The following PPP1R42 variants were observed in gnomAD, a reference collection of about 807,000 sequenced individuals.
PPP1R42 encodes the protein protein phosphatase 1 regulatory subunit 42.
PPP1R42 carries 34 observed loss-of-function variants against 31.0 expected under a neutral mutation model. That is an observed-to-expected ratio of 1.10 (90% CI 0.83 to 1.46). The LOEUF (loss-of-function observed/expected upper bound fraction) is 1.46, where lower values mean the gene tolerates loss of function less well. Ranked by LOEUF, PPP1R42 falls within the 40% of genes most tolerant of loss-of-function variation. PPP1R42 has a pLI of 0.00. For synonymous variants in PPP1R42, 103 were observed against 109.8 expected, an observed-to-expected ratio of 0.94 and a Z score of 0.39; for missense variants, 268 against 303.0, an observed-to-expected ratio of 0.88 and a Z score of 0.86.
intron 1 of PPP1R42, among the ~76,000 whole-genome samples, chr8:67,025,296 CA>C (rs1585694379): frequency 6.6e-6 from 1 of 150,394 alleles, no homozygotes; most frequent in Admixed American, 6.6e-5. Context: ...TCTTTTTTTA[CA>C]GACAGGGTCT....
intron 7 of PPP1R42, among the ~76,000 whole-genome samples, chr8:66,973,313 T>G (rs531625718): frequency 7.8e-4 from 119 of 152,206 alleles, no homozygotes; most frequent in African/African-American, 2.8e-3. Flanking sequence ...GTTTTTTGTT[T>G]TGTTTTTTGA....
At chr8:66,974,127 G>A (rs763132230) in intron 7 of PPP1R42, among the ~76,000 whole-genome samples, 3 of 152,146 alleles carry the variant, frequency 2.0e-5, no homozygotes, top group Non-Finnish European at 4.4e-5. Context: ...TGGGTCATAT[G>A]GCAGTCCTAT....
At chr8:66,987,384 C>T (rs1443746129) in intron 6 of PPP1R42, among the ~76,000 whole-genome samples, 1 of 150,644 alleles carries the variant, frequency 6.6e-6, no homozygotes, top group Non-Finnish European at 1.5e-5. Flanking sequence ...CTCCGCCTAC[C>T]AGTTTCAAGC....
chr8:67,000,730 T>G (rs1815458819), intron 5 of PPP1R42, among the ~76,000 whole-genome samples: 1 of 152,226 alleles, frequency 6.6e-6, no homozygotes, highest in Non-Finnish European at 1.5e-5. Context: ...AGTGATAGTA[T>G]TAGAGGCGTG....
intron 5 of PPP1R42, among the ~76,000 whole-genome samples, chr8:67,008,261 C>CGATA (rs1330152732): frequency 6.6e-6 from 1 of 152,046 alleles, no homozygotes; most frequent in African/African-American, 2.4e-5. Flanking sequence ...ATGTAGCATT[C>CGATA]GATACTACCC....
chr8:67,022,481 G>A (rs867728274), intron 1 of PPP1R42, among the ~76,000 whole-genome samples: 46 of 151,850 alleles, frequency 3.0e-4, no homozygotes, highest in African/African-American at 1.0e-3. Flanking sequence ...TCACTTGTTA[G>A]TTTGCTTTTA....
At chr8:66,991,783 A>G (rs1815195173) in intron 5 of PPP1R42, among the ~76,000 whole-genome samples, 1 of 151,802 alleles carries the variant, frequency 6.6e-6, no homozygotes, top group Non-Finnish European at 1.5e-5. Context: ...TCTCTTACCT[A>G]CCATTGCCAA....
chr8:67,021,002 G>A (rs1039476527), intron 1 of PPP1R42, among the ~76,000 whole-genome samples: 5 of 152,114 alleles, frequency 3.3e-5, no homozygotes, highest in African/African-American at 1.2e-4. Context: ...GAGGTAACCC[G>A]TTTTTTCAAT....
At chr8:67,011,471 G>C (rs1230184758) in intron 4 of PPP1R42, among the ~76,000 whole-genome samples, 2 of 152,192 alleles carry the variant, frequency 1.3e-5, no homozygotes, top group Admixed American at 6.5e-5. Flanking sequence ...AGGTTGCAGT[G>C]AGCAGAGATC....
intron 6 of PPP1R42, among the ~76,000 whole-genome samples, chr8:66,986,423 G>A (rs1462983956): frequency 6.6e-6 from 1 of 152,150 alleles, no homozygotes; most frequent in East Asian, 1.9e-4. Flanking sequence ...CCGAGACGGA[G>A]GCCGAAAGTT....
chr8:67,009,622 C>T (rs1204898831), intron 5 of PPP1R42, among the ~76,000 whole-genome samples: 1 of 152,130 alleles, frequency 6.6e-6, no homozygotes, highest in East Asian at 1.9e-4. Context: ...ATCCCATGAA[C>T]GTCTTACATT....
intron 6 of PPP1R42, chr8:66,988,136 G>T: frequency 9.3e-7 from 1 of 1,073,584 alleles, no homozygotes; most frequent in South Asian, 4.2e-5. Flanking sequence ...ACACATTTAT[G>T]ACTAACCATT....
intron 5 of PPP1R42, among the ~76,000 whole-genome samples, chr8:66,992,002 T>C (rs1424801340): frequency 6.6e-6 from 1 of 152,166 alleles, no homozygotes; most frequent in Non-Finnish European, 1.5e-5. Flanking sequence ...AGCTGGTTGC[T>C]TCTTCAACCA....
At chr8:67,017,585 T>C (rs543861835) in intron 2 of PPP1R42, 34 bp downstream of exon 2, 1 of 1,161,690 alleles carries the variant, frequency 8.6e-7, no homozygotes, top group Non-Finnish European at 1.2e-6. Context: ...CATTATTAAT[T>C]ATATAAAATA....
intron 6 of PPP1R42, chr8:66,985,084 T>G: frequency 7.7e-7 from 1 of 1,306,278 alleles, no homozygotes; most frequent in East Asian, 2.3e-5. Context: ...GATATCTCCT[T>G]CCTTTAGCTC....
At chr8:67,012,072 C>G (rs1220109603) in intron 4 of PPP1R42, among the ~76,000 whole-genome samples, 2 of 152,036 alleles carry the variant, frequency 1.3e-5, no homozygotes, top group Non-Finnish European at 2.9e-5. Flanking sequence ...CCCATCTCTA[C>G]TAAAAATACA....
At chr8:67,025,313 T>G (rs1056787048) in intron 1 of PPP1R42, among the ~76,000 whole-genome samples, 5 of 151,970 alleles carry the variant, frequency 3.3e-5, no homozygotes, top group African/African-American at 9.7e-5. Context: ...GGTCTCATTA[T>G]GTTGCCTAGG....
At chr8:66,982,218 T>A in intron 6 of PPP1R42, 38 bp from the exon 7 acceptor site, 1 of 1,080,922 alleles carries the variant, frequency 9.3e-7, no homozygotes, top group Non-Finnish European at 1.2e-6. Flanking sequence ...ATACAATATA[T>A]ACATATAAAC....
rs184310317 is a variant in PPP1R42 at position 66,999,493 on chromosome 8, T to A, written c.553-10976A>T. ...GCCTTGGCCTCCCAAAGTGTTGGGA[T>A]TACAGGCATGAGCCCTGGCTAATTT... On this transcript the variant is annotated intron_variant, in intron 5 of 7. Coordinates refer to ENST00000685739, the MANE Select transcript of PPP1R42 (RefSeq NM_001364910.1). 1.5e-3 allele frequency among the ~76,000 whole-genome samples: 230 copies of A among 152,286 alleles called. 1 individual carries two copies. Among genetic ancestry groups the A allele is most frequent in the African/African-American group, 5.0e-3 (206 of 41,554 alleles).
Sources: allele counts gnomAD v4.1 joint callset (sites outside exome capture counted in the v4.1 genomes callset), GRCh38; gene constraint gnomAD v4.1.1; transcripts MANE v1.5; gene names NCBI Gene and HGNC (gene_info 2026-07-23, HGNC 2026-07-21).